Variants in OPA1 observed in about 807,000 individuals in gnomAD.
The protein encoded by OPA1 is dynamin-like GTPase OPA1, mitochondrial.
Under a neutral mutation model 152.9 loss-of-function variants are expected in OPA1, and 59 were observed. The ratio of observed to expected loss-of-function variants is 0.39; its 90% confidence interval spans 0.31 to 0.48. The LOEUF (loss-of-function observed/expected upper bound fraction) is 0.48, where lower values mean the gene tolerates loss of function less well. Ranked by LOEUF, OPA1 falls within the 20% of genes least tolerant of loss-of-function variation. The probability of loss-of-function intolerance (pLI) is 0.96; values close to 1 mark genes in which losing one functional copy is unlikely to be tolerated. For missense variants in OPA1, 1,008 were observed against 1,216.8 expected (o/e 0.83, Z 2.55); for synonymous variants, 400 against 389.9 (o/e 1.03, Z -0.31).
intron 1 of OPA1, among the ~76,000 whole-genome samples, chr3:193,601,334 A>G (rs1484914162): frequency 6.6e-6 from 1 of 152,152 alleles, no homozygotes; most frequent in Non-Finnish European, 1.5e-5. Context: ...TATAAGGGCT[A>G]TCATGAGAAT....
intron 11 of OPA1, among the ~76,000 whole-genome samples, chr3:193,640,003 A>C (rs1229913973): frequency 2.6e-5 from 4 of 152,144 alleles, no homozygotes; most frequent in African/African-American, 7.2e-5. Flanking sequence ...TGAAGGATGT[A>C]GTTTGCATGG....
intron 6 of OPA1, among the ~76,000 whole-genome samples, chr3:193,625,378 A>G (rs1329583351): frequency 2.6e-5 from 4 of 152,052 alleles, no homozygotes; most frequent in Admixed American, 6.5e-5. Flanking sequence ...TTGTTTAGTA[A>G]TTTGTATATG....
intron 19 of OPA1, among the ~76,000 whole-genome samples, chr3:193,647,806 C>G (rs1734927866): frequency 6.6e-6 from 1 of 152,102 alleles, no homozygotes; most frequent in African/African-American, 2.4e-5. Flanking sequence ...CTGCAGAGTC[C>G]ATTCTCTCAG....
At chr3:193,625,797 A>AT (rs925281804) in intron 6 of OPA1, among the ~76,000 whole-genome samples, 9 of 151,648 alleles carry the variant, frequency 5.9e-5, no homozygotes, top group African/African-American at 1.4e-4. Flanking sequence ...AAAAATCAGT[A>AT]TTTTTTCTCC....
At chr3:193,649,413 G>A (rs559129905) in intron 21 of OPA1, among the ~76,000 whole-genome samples, 1 of 152,232 alleles carries the variant, frequency 6.6e-6, no homozygotes, top group South Asian at 2.1e-4. Flanking sequence ...TATATTTTAT[G>A]TAAGTTTGGC....
chr3:193,670,602 A>G (rs956504221), intron 29 of OPA1, among the ~76,000 whole-genome samples: 1 of 151,868 alleles, frequency 6.6e-6, no homozygotes. Context: ...TCCTGACCTC[A>G]TGATCCGCCC....
chr3:193,593,465 CTGTCTTATCT>C, intron 1 of OPA1, 56 bp downstream of exon 1: 1 of 1,445,714 alleles, frequency 6.9e-7, no homozygotes, highest in Non-Finnish European at 9.2e-7. Context: ...GAGAGTGGGG[CTGTCTTATCT>C]CTATCTCCAA....
chr3:193,668,273 C>T (rs192684650), intron 29 of OPA1: 155 of 1,467,126 alleles, frequency 1.1e-4, no homozygotes, highest in African/African-American at 8.8e-4. Context: ...TCCTCCTATA[C>T]GTAACCCAAC....
chr3:193,663,670 A>C (rs1250672468), intron 26 of OPA1, among the ~76,000 whole-genome samples: 1 of 152,154 alleles, frequency 6.6e-6, no homozygotes, highest in Non-Finnish European at 1.5e-5. Flanking sequence ...GCAATCATTA[A>C]CAAATTTCAA....
intron 3 of OPA1, 96 bp from the exon 4 acceptor site, chr3:193,617,082 A>G (rs1729141482): frequency 7.9e-6 from 6 of 757,870 alleles, no homozygotes; most frequent in South Asian, 1.6e-5. Context: ...TAGGGTTGTC[A>G]TGAGGATTAA....
In OPA1 at chr3:193,593,305, G is replaced by C. The variant is rs1318787587; in HGVS notation, c.-73G>C. ...ACTTCCTGGGTCATTCCTGGACCGG[G>C]AGCCGGGCTGGGGCTCACACGGGGG... is the stretch of plus-strand genomic sequence containing the variant. On this transcript the variant is annotated 5_prime_UTR_variant, in exon 1 of 31. Transcript: ENST00000361510. The C allele has an allele frequency of 6.8e-7, 1 of 1,479,768 alleles. No homozygotes were observed. The highest frequency in any genetic ancestry group is 9.1e-7 in the Non-Finnish European group (1 of 1,102,982). 91.7% of individuals were successfully genotyped at this position (1,479,768 alleles called of 1,614,324 possible).
intron 29 of OPA1, among the ~76,000 whole-genome samples, chr3:193,684,352 C>A (rs912459059): frequency 6.6e-6 from 1 of 151,334 alleles, no homozygotes; most frequent in Admixed American, 6.6e-5. Context: ...AATATTATTT[C>A]TTTTTGCAGC....
intron 1 of OPA1, among the ~76,000 whole-genome samples, chr3:193,596,345 T>C (rs2887063): frequency 0.27 from 12,206 of 44,758 alleles, 638 homozygotes; most frequent in African/African-American, 0.34. Flanking sequence ...CCTTTTCTTT[T>C]CTTTTCTTTT....
intron 29 of OPA1, among the ~76,000 whole-genome samples, chr3:193,676,938 G>A (rs538480086): frequency 1.3e-3 from 178 of 136,974 alleles, no homozygotes; most frequent in Non-Finnish European, 2.0e-3. Flanking sequence ...CCGAGATCGC[G>A]CCACTGCACT....
intron 11 of OPA1, among the ~76,000 whole-genome samples, chr3:193,639,505 T>C (rs949424605): frequency 2.0e-5 from 3 of 151,886 alleles, no homozygotes; most frequent in African/African-American, 7.3e-5. Context: ...GCCTCTGAGG[T>C]GGTTGTGTGG....
intron 7 of OPA1, among the ~76,000 whole-genome samples, chr3:193,626,719 G>A (rs1414707353): frequency 1.3e-5 from 2 of 152,152 alleles, no homozygotes; most frequent in African/African-American, 4.8e-5. Flanking sequence ...TATACACTTT[G>A]ACAAACTCAT....
chr3:193,697,162 G>A lies in OPA1; in HGVS notation c.*2562G>A, dbSNP rs554880690. The A allele has an allele frequency of 5.3e-5, 8 of 152,320 alleles. No homozygotes were observed. The East Asian group carries it at 1.3e-3, about 26-fold the overall frequency. 9.4% of individuals were successfully genotyped at this position (152,320 alleles called of 1,614,324 possible). ...ATAGGTTTAAAAGATAAAATCTTTA[G>A]TTAATAATTTTGTATTTATTTATTC... is the stretch of plus-strand genomic sequence containing the variant. On this transcript the variant is annotated 3_prime_UTR_variant, in exon 31 of 31. Coordinates refer to ENST00000361510, the MANE Select transcript of OPA1 (RefSeq NM_130837.3).
intron 7 of OPA1, among the ~76,000 whole-genome samples, chr3:193,628,027 A>G (rs1731439316): frequency 6.6e-6 from 1 of 152,058 alleles, no homozygotes; most frequent in Admixed American, 6.6e-5. Context: ...AAAGACTGTT[A>G]CCTTACAATA....
intron 29 of OPA1, among the ~76,000 whole-genome samples, chr3:193,685,859 C>T (rs910017365): frequency 3.3e-5 from 5 of 152,120 alleles, no homozygotes; most frequent in Admixed American, 1.3e-4. Flanking sequence ...TTTGAATTCT[C>T]CTGGACAGAT....
Sources: allele counts gnomAD v4.1 joint callset (sites outside exome capture counted in the v4.1 genomes callset), GRCh38; gene constraint gnomAD v4.1.1; transcripts MANE v1.5; gene names NCBI Gene and HGNC (gene_info 2026-07-23, HGNC 2026-07-21).